UXS1: variants seen among roughly 807,000 people sequenced by gnomAD.
UXS1 encodes UDP-glucuronate decarboxylase 1.
Under a neutral mutation model 62.6 loss-of-function variants are expected in UXS1, and 33 were observed. The ratio of observed to expected loss-of-function variants is 0.53; its 90% CI spans 0.40 to 0.70. The LOEUF is 0.70. Among genes scored for constraint, UXS1 ranks in the 30% least tolerant of loss-of-function variants. UXS1 has a pLI of 0.00. For missense variants in UXS1, 434 were observed against 556.3 expected (o/e 0.78, Z 2.21); for synonymous variants, 213 against 206.8 (o/e 1.03, Z -0.26).
intron 10 of UXS1, among the ~76,000 whole-genome samples, chr2:106,107,755 A>G (rs1678205104): frequency 6.6e-6 from 1 of 152,172 alleles, no homozygotes; most frequent in Non-Finnish European, 1.5e-5. Context: ...CTGTGGGTGC[A>G]TTTCCCTGCG....
At chr2:106,152,454 A>T (rs1011319520) in intron 5 of UXS1, among the ~76,000 whole-genome samples, 39 of 126,908 alleles carry the variant, frequency 3.1e-4, no homozygotes, top group Admixed American at 2.8e-3. Flanking sequence ...AAGAAAAGAA[A>T]GAAAAGAAAG....
At chr2:106,192,435 T>C (rs1414524877) in intron 1 of UXS1, among the ~76,000 whole-genome samples, 3 of 152,042 alleles carry the variant, frequency 2.0e-5, no homozygotes, top group Admixed American at 2.0e-4. Context: ...GTGCCTGTAG[T>C]CCCAGTTACT....
At chr2:106,130,701 G>C (rs192791692) in intron 6 of UXS1, among the ~76,000 whole-genome samples, 1 of 152,158 alleles carries the variant, frequency 6.6e-6, no homozygotes, top group African/African-American at 2.4e-5. Flanking sequence ...TCCCAGTGCC[G>C]GGAATGGAAG....
At chr2:106,101,484 A>G (rs953249977) in intron 11 of UXS1, 2 of 184,410 alleles carry the variant, frequency 1.1e-5, no homozygotes, top group Admixed American at 5.9e-5. Flanking sequence ...TGGAGTTTAC[A>G]TAAGTTTCCA....
At chr2:106,190,743 CAA>C (rs35043298) in intron 1 of UXS1, among the ~76,000 whole-genome samples, 1 of 124,884 alleles carries the variant, frequency 8.0e-6, no homozygotes, top group Admixed American at 8.5e-5. Context: ...AACTCTGTAT[CAA>C]AAAAAAAAAA....
At chr2:106,099,190 T>G (rs753385697) in intron 12 of UXS1, among the ~76,000 whole-genome samples, 7 of 152,220 alleles carry the variant, frequency 4.6e-5, no homozygotes, top group Non-Finnish European at 1.0e-4. Context: ...GATGAAGGAC[T>G]TGTAATCTCA....
chr2:106,161,750 A>C (rs558808659), intron 4 of UXS1, among the ~76,000 whole-genome samples: 1 of 152,338 alleles, frequency 6.6e-6, no homozygotes, highest in African/African-American at 2.4e-5. Context: ...ACAGAGTTAA[A>C]ATTAAACAAA....
intron 6 of UXS1, among the ~76,000 whole-genome samples, chr2:106,139,191 C>G (rs1680895694): frequency 6.6e-6 from 1 of 152,078 alleles, no homozygotes; most frequent in South Asian, 2.1e-4. Flanking sequence ...GAAAGGCAGC[C>G]CATTCATGGG....
At chr2:106,166,673 T>C (rs967335859) in intron 1 of UXS1, among the ~76,000 whole-genome samples, 1 of 150,606 alleles carries the variant, frequency 6.6e-6, no homozygotes, top group African/African-American at 2.4e-5. Flanking sequence ...TCTTTTGGGG[T>C]CTAGAGTTGG....
At chr2:106,155,996 A>G (rs1338451816) in intron 5 of UXS1, among the ~76,000 whole-genome samples, 1 of 152,176 alleles carries the variant, frequency 6.6e-6, no homozygotes, top group Non-Finnish European at 1.5e-5. Flanking sequence ...TTTAGGCAAG[A>G]TTTCCTAAAT....
rs180981864 is a variant in UXS1, at chr2:106,192,449, G to A, written c.94+1699C>T. On this transcript the variant is annotated intron_variant, in intron 1 of 14. Coordinates refer to ENST00000283148, the MANE Select transcript of UXS1 (RefSeq NM_001253875.2). Reference sequence around the variant, plus strand: ...GGTGCCTGTAGTCCCAGTTACTTGGGAGGCTGAGGCAGGAGAATGGCGTGA... The same window carrying A: ...GGTGCCTGTAGTCCCAGTTACTTGGAAGGCTGAGGCAGGAGAATGGCGTGA... Among the ~76,000 whole-genome samples, 204 of 152,190 alleles carry A rather than the reference G, an allele frequency of 1.3e-3. 3 individuals carry two copies. The highest frequency in any genetic ancestry group is 0.012 in the Admixed American group (180 of 15,296).
At chr2:106,147,958 A>T (rs1410386991) in intron 5 of UXS1, among the ~76,000 whole-genome samples, 1 of 152,208 alleles carries the variant, frequency 6.6e-6, no homozygotes, top group Non-Finnish European at 1.5e-5. Context: ...TTAAGACAGG[A>T]TGGGTGAGAC....
intron 1 of UXS1, among the ~76,000 whole-genome samples, chr2:106,189,680 G>T (rs943319300): frequency 2.0e-5 from 3 of 152,196 alleles, no homozygotes; most frequent in Non-Finnish European, 4.4e-5. Context: ...AACTAGACCC[G>T]AAAGGAAGAT....
intron 1 of UXS1, among the ~76,000 whole-genome samples, chr2:106,187,936 T>C (rs570578640): frequency 6.6e-6 from 1 of 152,164 alleles, no homozygotes; most frequent in South Asian, 2.1e-4. Flanking sequence ...GAGACGGGGT[T>C]TCACCATGTT....
intron 11 of UXS1, chr2:106,102,282 C>T (rs906583766): frequency 6.6e-5 from 10 of 152,150 alleles, no homozygotes; most frequent in African/African-American, 2.2e-4. Flanking sequence ...TCATGACATA[C>T]ATCTGTGCAG....
rs182854159 is a variant in UXS1 at position 106,166,806 on chromosome 2, C to T, written c.95-723G>A. ...CTGAGTAAGTGGGACTGCAGGCGTA[C>T]GCCATCACACCTAGCTAAGGATGCA... On this transcript the variant is annotated intron_variant, in intron 1 of 14. Transcript: ENST00000283148. 3.3e-5 allele frequency among the ~76,000 whole-genome samples: 5 copies of T among 151,078 alleles called. No homozygotes were observed. In the East Asian group the frequency reaches 7.9e-4, roughly 24 times the overall value.
chr2:106,125,905 G>C (rs1231636269), intron 7 of UXS1, among the ~76,000 whole-genome samples: 1 of 152,194 alleles, frequency 6.6e-6, no homozygotes, highest in African/African-American at 2.4e-5. Flanking sequence ...CTTGTCATAA[G>C]CAGGGCCAAA....
chr2:106,186,320 A>G (rs1684547385), intron 1 of UXS1, among the ~76,000 whole-genome samples: 1 of 152,190 alleles, frequency 6.6e-6, no homozygotes, highest in South Asian at 2.1e-4. Context: ...CAGACACTAC[A>G]TGTTCCCAAC....
At chr2:106,138,377 C>G in intron 6 of UXS1, 1 of 985,582 alleles carries the variant, frequency 1.0e-6, no homozygotes, top group Non-Finnish European at 1.2e-6. Flanking sequence ...TCACTGAGCA[C>G]AAGATGCAGG....
Sources: gnomAD v4.1 joint callset for allele counts (sites outside exome capture counted in the v4.1 genomes callset) on GRCh38, gnomAD v4.1.1 for gene constraint, MANE v1.5 for transcripts, NCBI Gene and HGNC (gene_info 2026-07-23, HGNC 2026-07-21) for gene names.